The following AGK variants were observed in gnomAD, a reference collection of about 807,000 sequenced individuals.
AGK encodes acylglycerol kinase, mitochondrial.
In AGK, 52 loss-of-function variants were observed where a neutral mutation model predicts 66.4. The ratio of observed to expected loss-of-function variants is 0.78; its 90% CI spans 0.63 to 0.99. The LOEUF is 0.99. Among genes scored for constraint, AGK ranks in the 50% least tolerant of loss-of-function variants. AGK has a pLI of 0.00. For synonymous variants in AGK, 182 were observed against 181.1 expected, an observed-to-expected ratio of 1.00 and a Z score of -0.04; for missense variants, 451 against 506.6, an observed-to-expected ratio of 0.89 and a Z score of 1.05.
chr7:141,599,639 A>T (rs978926992), intron 4 of AGK, among the ~76,000 whole-genome samples: 1 of 152,160 alleles, frequency 6.6e-6, no homozygotes, highest in Non-Finnish European at 1.5e-5. Context: ...TAGGAAATAG[A>T]TCTGATCCAC....
At chr7:141,594,565 C>T (rs1185927435) in intron 3 of AGK, among the ~76,000 whole-genome samples, 1 of 152,120 alleles carries the variant, frequency 6.6e-6, no homozygotes, top group Non-Finnish European at 1.5e-5. Context: ...AAAGTAAATG[C>T]CTCCACCTCT....
At chr7:141,626,775 A>C (rs1328502606) in intron 9 of AGK, among the ~76,000 whole-genome samples, 2 of 152,242 alleles carry the variant, frequency 1.3e-5, no homozygotes, top group African/African-American at 4.8e-5. Context: ...ACTGCAGTAC[A>C]AGAGCCTGAA....
rs180735492 is a variant in AGK at position 141,645,914 on chromosome 7, C to A, written c.976-3349C>A. ...AAGCACCAGCTTTATACCTTAAACACCTTAAAAATTGGACAAAATCTTTGA... is the reference window on the plus strand; with the variant it reads ...AAGCACCAGCTTTATACCTTAAACAACTTAAAAATTGGACAAAATCTTTGA... On this transcript the variant is annotated intron_variant, in intron 13 of 15. Coordinates refer to ENST00000649286, the MANE Select transcript of AGK (RefSeq NM_018238.4). Among the ~76,000 whole-genome samples the A allele has an allele frequency of 3.6e-3, 544 of 152,188 alleles. 3 individuals carry two copies. Among genetic ancestry groups the A allele is most frequent in the African/African-American group, 0.013 (519 of 41,514 alleles).
intron 11 of AGK, among the ~76,000 whole-genome samples, 183 bp downstream of exon 11, chr7:141,637,200 C>G (rs1272475342): frequency 2.0e-5 from 3 of 151,986 alleles, no homozygotes; most frequent in Non-Finnish European, 4.4e-5. Flanking sequence ...AAGCAATCAC[C>G]CTTTATCTAC....
At chr7:141,640,490 C>T (rs1797264095) in intron 11 of AGK, among the ~76,000 whole-genome samples, 1 of 152,066 alleles carries the variant, frequency 6.6e-6, no homozygotes, top group South Asian at 2.1e-4. Context: ...GCATTTCACC[C>T]TAAGAGACAC....
chr7:141,559,290 T>A (rs79590505), intron 2 of AGK, among the ~76,000 whole-genome samples: 3 of 152,188 alleles, frequency 2.0e-5, no homozygotes, highest in Admixed American at 1.3e-4. Context: ...TAATTTTTTT[T>A]ATATGGTATA....
At chr7:141,570,791 T>A (rs560396278) in intron 2 of AGK, among the ~76,000 whole-genome samples, 1 of 152,194 alleles carries the variant, frequency 6.6e-6, no homozygotes, top group Non-Finnish European at 1.5e-5. Context: ...AATTCTTTTA[T>A]CTAATATTCA....
intron 2 of AGK, among the ~76,000 whole-genome samples, chr7:141,562,454 T>G (rs946818791): frequency 6.6e-6 from 1 of 152,064 alleles, no homozygotes. Flanking sequence ...CCAGGGCTCA[T>G]AGAGAAATAC....
Position 141,555,858 on chromosome 7 carries a change from C to G in AGK, c.101+291C>G, listed in dbSNP as rs975834840. ...AAGACATCTTAGAGAAAGAGAAGTC[C>G]TTTCCCAAGTTAGTAGTGTGAACCC... On this transcript the variant is annotated intron_variant, in intron 2 of 15. Transcript: ENST00000649286. This position sits in a 1 kb window ranked among gnomAD's most constrained non-coding sequence, Gnocchi z 4.2. Among the ~76,000 whole-genome samples the G allele has an allele frequency of 6.6e-6, 1 of 152,124 alleles. No individual in the cohort carries two copies. The highest frequency in any genetic ancestry group is 2.4e-5 in the African/African-American group (1 of 41,428).
intron 2 of AGK, among the ~76,000 whole-genome samples, chr7:141,569,118 T>G (rs1343722771): frequency 6.6e-6 from 1 of 152,242 alleles, no homozygotes; most frequent in Non-Finnish European, 1.5e-5. Flanking sequence ...TAAGCATTGG[T>G]GCAAGCCACC....
In AGK at chr7:141,621,757, A is replaced by G. The variant is rs200104400; in HGVS notation, c.544A>G (p.Ile182Val). Residue 182 changes from isoleucine to valine, a missense_variant, in exon 9 of 16, where the codon ATT becomes GTT. Physicochemically the swap from Ile to Val is conservative, Grantham distance 29. Transcript: ENST00000649286. ...ACATATTACTGATGCCACACTTGCC[A>G]TTGTGAAAGGAGAGACAGTTCCACT... ...VQHITDATLA[I>V]VKGETVPLDV... 9 of 1,613,650 alleles carry G rather than the reference A, an allele frequency of 5.6e-6. No individual in the cohort carries two copies. The East Asian group carries it at 1.8e-4, about 32-fold the overall frequency.
rs751958786 is a variant in AGK, at chr7:141,652,924, A to G, written c.1269A>G (p.Ter423TrpextTer12). ...AGATGCTCACAAGCCCCACCCAGTG[A>G]GCAGCAGAAGACAAGCACTCTGAGA... ...REQMLTSPTQ* is the reference protein window; with the variant it reads ...REQMLTSPTQW Residue 423 changes from the stop codon to tryptophan (W), a stop_lost, in exon 16 of 16, where the codon TGA becomes TGG. Transcript: ENST00000649286. 7 of 1,613,910 alleles carry G rather than the reference A, an allele frequency of 4.3e-6. No individual in the cohort carries two copies. Among genetic ancestry groups the G allele is most frequent in the Middle Eastern group, 3.3e-4 (2 of 6,062 alleles).
At position 141,606,059 on chromosome 7, in the gene AGK, G is replaced by C. The variant is rs117486873; in HGVS notation, c.297+4779G>C. On this transcript the variant is annotated intron_variant, in intron 5 of 15. Coordinates refer to ENST00000649286, the MANE Select transcript of AGK (RefSeq NM_018238.4). Reference sequence around the variant, plus strand: ...CCCTAGATATAACTAATGTGGAGTGGAGTCTGTCTGTATTTACAAAATAAT... The same window carrying C: ...CCCTAGATATAACTAATGTGGAGTGCAGTCTGTCTGTATTTACAAAATAAT... Among the ~76,000 whole-genome samples, 449 of 152,264 alleles carry C rather than the reference G, an allele frequency of 2.9e-3. 1 individual carries two copies. Among genetic ancestry groups the C allele is most frequent in the Non-Finnish European group, 4.4e-3 (297 of 68,000 alleles).
At chr7:141,559,813 G>A (rs936276398) in intron 2 of AGK, among the ~76,000 whole-genome samples, 3 of 152,092 alleles carry the variant, frequency 2.0e-5, no homozygotes, top group African/African-American at 7.2e-5. Flanking sequence ...ACTTGCTTAA[G>A]TTTATTCCTA....
intron 3 of AGK, among the ~76,000 whole-genome samples, chr7:141,595,430 AGTCT>A (rs1303648029): frequency 2.6e-5 from 4 of 152,216 alleles, no homozygotes; most frequent in African/African-American, 9.6e-5. Context: ...ACAAAGAAAT[AGTCT>A]GTCTTTTTCT....
At chr7:141,631,887 T>C (rs1366095429) in intron 9 of AGK, among the ~76,000 whole-genome samples, 1 of 152,182 alleles carries the variant, frequency 6.6e-6, no homozygotes, top group Non-Finnish European at 1.5e-5. Context: ...ACTTCAGGTC[T>C]CTGTTCAAAT....
rs913474480 is a variant in AGK at position 141,655,007 on chromosome 7, T to G, written c.*2083T>G. On this transcript the variant is annotated 3_prime_UTR_variant, in exon 16 of 16. Coordinates refer to ENST00000649286, the MANE Select transcript of AGK (RefSeq NM_018238.4). ...ACCCACAGGTAGGGAGGAAGGATGC[T>G]GTAGTATATGAAAACAAAAGTTTTC... is the stretch of plus-strand genomic sequence containing the variant. 1.3e-5 allele frequency: 2 copies of G among 152,202 alleles called. No individual in the cohort carries two copies. The highest frequency in any genetic ancestry group is 2.9e-5 in the Non-Finnish European group (2 of 68,026). 9.4% of individuals were successfully genotyped at this position (152,202 alleles called of 1,614,324 possible).
intron 1 of AGK, among the ~76,000 whole-genome samples, 152 bp downstream of exon 1, chr7:141,551,586 G>C (rs1795085437): frequency 6.6e-6 from 1 of 152,168 alleles, no homozygotes; most frequent in Admixed American, 6.5e-5. Context: ...AAGCATCAGG[G>C]GTCGTGGGTG....
chr7:141,554,691 T>C lies in AGK; in HGVS notation c.-14-762T>C, dbSNP rs181119343. Among the ~76,000 whole-genome samples, 6 of 152,330 alleles carry C rather than the reference T, an allele frequency of 3.9e-5. No homozygotes were observed. The East Asian group carries it at 1.2e-3, about 29-fold the overall frequency. On this transcript the variant is annotated intron_variant, in intron 1 of 15. Transcript: ENST00000649286. ...ATAAATGAGCAAATGAATATAAGCA[T>C]CACCAAATAATAAATGTCATGAAGA... is the stretch of plus-strand genomic sequence containing the variant.
Sources: gnomAD v4.1 joint callset for allele counts (sites outside exome capture counted in the v4.1 genomes callset) on GRCh38, gnomAD v4.1.1 for gene constraint, Gnocchi (gnomAD v3.1) non-coding constraint, MANE v1.5 for transcripts, NCBI Gene and HGNC (gene_info 2026-07-23, HGNC 2026-07-21) for gene names.